The following ZPLD1 variants were observed in gnomAD, a reference collection of about 807,000 sequenced individuals.
ZPLD1 encodes the protein zona pellucida-like domain-containing protein 1.
In ZPLD1, 34 loss-of-function variants were observed where a neutral mutation model predicts 47.2. That is an observed-to-expected ratio of 0.72 (90% CI 0.55 to 0.96). ZPLD1 has a LOEUF of 0.96. Ranked by LOEUF, ZPLD1 falls within the 40% of genes least tolerant of loss-of-function variation. The pLI is 0.00. For missense variants in ZPLD1, 512 were observed against 505.8 expected (o/e 1.01, Z -0.12); for synonymous variants, 176 against 186.2 (o/e 0.95, Z 0.45).
intron 7 of ZPLD1, among the ~76,000 whole-genome samples, chr3:102,463,562 A>G (rs984012102): frequency 1.3e-5 from 2 of 152,172 alleles, no homozygotes; most frequent in African/African-American, 4.8e-5. Flanking sequence ...CTTTGAGTTC[A>G]GGAGAAAGTT....
chr3:102,416,129 A>T (rs1706801668), intron 7 of ZPLD1, among the ~76,000 whole-genome samples: 1 of 151,920 alleles, frequency 6.6e-6, no homozygotes, highest in Non-Finnish European at 1.5e-5. Context: ...AATGTTTTCC[A>T]ATAACTGGTA....
At chr3:102,468,196 A>G (rs1397733603) in intron 8 of ZPLD1, among the ~76,000 whole-genome samples, 3 of 152,162 alleles carry the variant, frequency 2.0e-5, no homozygotes, top group Non-Finnish European at 4.4e-5. Context: ...TGGAGAAGTA[A>G]GCATTGTTTT....
chr3:102,468,452 GA>G (rs1212819127), intron 8 of ZPLD1, among the ~76,000 whole-genome samples: 1 of 152,056 alleles, frequency 6.6e-6, no homozygotes, highest in Non-Finnish European at 1.5e-5. Context: ...TACAGCTGTG[GA>G]AAAAAATGAG....
chr3:102,432,335 C>A (rs2107315260), upstream of ZPLD1, among the ~76,000 whole-genome samples: 1 of 152,238 alleles, frequency 6.6e-6, no homozygotes, highest in South Asian at 2.1e-4. Flanking sequence ...GGACTGGGGC[C>A]TCACCGATGC....
In ZPLD1 at chr3:102,437,121, G is replaced by A. The variant is rs559971203; in HGVS notation, c.-9+148G>A. The A allele has an allele frequency of 1.7e-4, 39 of 230,138 alleles. 1 individual carries two copies. The highest frequency in any genetic ancestry group is 2.2e-3 in the Middle Eastern group (1 of 450). The allele number at this position is 230,138 out of a possible 1,614,324, so 14.3% of individuals were successfully genotyped here. ...GCGCAGGTATGGCCAAGAGCTCCTA[G>A]GGTCTGGGTCAGCCACTGGTGTGAG... On this transcript the variant is annotated intron_variant, in intron 2 of 11. Coordinates refer to ENST00000466937, the MANE Select transcript of ZPLD1 (RefSeq NM_001329788.2).
intron 8 of ZPLD1, among the ~76,000 whole-genome samples, chr3:102,420,646 G>T (rs1311145975): frequency 6.6e-6 from 1 of 151,584 alleles, no homozygotes; most frequent in Non-Finnish European, 1.5e-5. Context: ...ACTATTTTTA[G>T]CACGTGGACC....
intron 7 of ZPLD1, among the ~76,000 whole-genome samples, chr3:102,414,694 A>C (rs1706784001): frequency 2.0e-5 from 3 of 151,838 alleles, no homozygotes; most frequent in Non-Finnish European, 4.4e-5. Flanking sequence ...TACTGTATTC[A>C]CCATTAATTC....
At chr3:102,464,368 GT>G in intron 8 of ZPLD1, 117 bp downstream of exon 8, 1 of 696,276 alleles carries the variant, frequency 1.4e-6, no homozygotes, top group Non-Finnish European at 2.3e-6. Context: ...TGAATTTCAA[GT>G]TTTACATTTT....
chr3:102,451,435 T>C (rs780965302), intron 3 of ZPLD1, among the ~76,000 whole-genome samples: 3 of 152,236 alleles, frequency 2.0e-5, no homozygotes, highest in Non-Finnish European at 4.4e-5. Flanking sequence ...TGTTTCTACA[T>C]GTTGAAAACT....
intron 3 of ZPLD1, among the ~76,000 whole-genome samples, chr3:102,448,981 T>C (rs1222820255): frequency 1.3e-5 from 2 of 152,228 alleles, no homozygotes; most frequent in Non-Finnish European, 2.9e-5. Flanking sequence ...AGGATTTGAT[T>C]TGACATCCAG....
At chr3:102,422,962 T>A (rs1203061641) in intron 8 of ZPLD1, among the ~76,000 whole-genome samples, 3 of 152,048 alleles carry the variant, frequency 2.0e-5, no homozygotes, top group African/African-American at 7.2e-5. Flanking sequence ...AATGTCATGG[T>A]TATTTAAGAA....
At chr3:102,404,637 C>G (rs1303215123) in intron 7 of ZPLD1, among the ~76,000 whole-genome samples, 1 of 151,936 alleles carries the variant, frequency 6.6e-6, no homozygotes, top group Non-Finnish European at 1.5e-5. Context: ...CCAGTATAAA[C>G]AAAACTCAAT....
chr3:102,401,230 C>G (rs1390303970), intron 7 of ZPLD1, among the ~76,000 whole-genome samples: 1 of 152,016 alleles, frequency 6.6e-6, no homozygotes, highest in African/African-American at 2.4e-5. Context: ...CTCTTTCTCT[C>G]TCATATAGAC....
At chr3:102,399,145 T>C (rs183260397) in intron 7 of ZPLD1, among the ~76,000 whole-genome samples, 1 of 152,278 alleles carries the variant, frequency 6.6e-6, no homozygotes, top group Admixed American at 6.5e-5. Context: ...ACTGCTGCAA[T>C]GGCCACCTAT....
intron 7 of ZPLD1, among the ~76,000 whole-genome samples, chr3:102,409,395 C>T (rs529592003): frequency 6.6e-6 from 1 of 151,908 alleles, no homozygotes; most frequent in East Asian, 1.9e-4. Context: ...CCTCTTAATA[C>T]TGTTACAGTG....
intron 3 of ZPLD1, among the ~76,000 whole-genome samples, chr3:102,448,641 A>T (rs1707293655): frequency 6.6e-6 from 1 of 152,218 alleles, no homozygotes; most frequent in Admixed American, 6.5e-5. Flanking sequence ...TTGTCATCAT[A>T]TCTTAAAGTG....
intron 7 of ZPLD1, among the ~76,000 whole-genome samples, chr3:102,463,406 G>A (rs756290603): frequency 3.9e-5 from 6 of 152,188 alleles, no homozygotes; most frequent in Non-Finnish European, 1.5e-5. Context: ...ATTGTTTATA[G>A]TGAACATATA....
At chr3:102,439,119 G>A (rs1707136198) in intron 3 of ZPLD1, among the ~76,000 whole-genome samples, 1 of 152,114 alleles carries the variant, frequency 6.6e-6, no homozygotes, top group Non-Finnish European at 1.5e-5. Flanking sequence ...TGTCCCACAG[G>A]TTTCTAAAAC....
chr3:102,459,077 G>A (rs952070161), intron 6 of ZPLD1, among the ~76,000 whole-genome samples: 18 of 113,064 alleles, frequency 1.6e-4, no homozygotes, highest in Admixed American at 3.7e-4. Context: ...GAGACAGAGC[G>A]AGACTCCGTC....
Sources: allele counts gnomAD v4.1 joint callset (sites outside exome capture counted in the v4.1 genomes callset), GRCh38; gene constraint gnomAD v4.1.1; transcripts MANE v1.5; gene names NCBI Gene and HGNC (gene_info 2026-07-23, HGNC 2026-07-21).